The following BCL2L11 variants were observed in gnomAD, a reference collection of about 807,000 sequenced individuals.
BCL2L11 encodes BCL2 like 11, also known as bcl-2-like protein 11.
In BCL2L11, 15 loss-of-function variants were observed where a neutral mutation model predicts 20.6. The ratio of observed to expected loss-of-function variants is 0.73; its 90% CI spans 0.49 to 1.12. BCL2L11 has a LOEUF of 1.12. BCL2L11 is among the 50% of genes most tolerant of loss of function. The pLI, the probability that BCL2L11 is intolerant of heterozygous loss-of-function variation, is 0.00. For missense variants in BCL2L11, 292 were observed against 260.9 expected (o/e 1.12, Z -0.82); for synonymous variants, 108 against 92.8 (o/e 1.16, Z -0.94).
At chr2:111,146,365 T>C (rs2076513172) in intron 2 of BCL2L11, 2 of 533,930 alleles carry the variant, frequency 3.7e-6, no homozygotes, top group Non-Finnish European at 4.8e-6. Context: ...ACTTTTCTTA[T>C]AAACTAGAAA....
chr2:111,125,133 G>A (rs1559014280), intron 2 of BCL2L11, among the ~76,000 whole-genome samples: 1 of 152,206 alleles, frequency 6.6e-6, no homozygotes, highest in African/African-American at 2.4e-5. Context: ...TGGTCTCAGG[G>A]TGGGTTTTCC....
chr2:111,125,737 A>T (rs756897963), intron 2 of BCL2L11, among the ~76,000 whole-genome samples: 16 of 152,152 alleles, frequency 1.1e-4, no homozygotes, highest in Non-Finnish European at 2.4e-4. Flanking sequence ...GCAGCTACAC[A>T]TGCTGGCTGC....
At chr2:111,131,249 G>A (rs1239273394) in intron 2 of BCL2L11, 2 of 137,094 alleles carry the variant, frequency 1.5e-5, no homozygotes, top group Non-Finnish European at 3.2e-5. Context: ...GATGGGGGGC[G>A]GGCGGGCATT....
chr2:111,127,101 A>T (rs1346907980), intron 2 of BCL2L11, among the ~76,000 whole-genome samples: 2 of 152,270 alleles, frequency 1.3e-5, no homozygotes, highest in Admixed American at 6.5e-5. Context: ...ACTTTTCCTC[A>T]ATTTTAGTCT....
intron 2 of BCL2L11, among the ~76,000 whole-genome samples, chr2:111,137,451 C>G (rs1391205636): frequency 6.6e-6 from 1 of 152,188 alleles, no homozygotes; most frequent in Non-Finnish European, 1.5e-5. Flanking sequence ...CCTGCTCGGT[C>G]AATGGCTGAG....
Position 111,148,231 on chromosome 2 carries a change from C to T in BCL2L11, c.395-1813C>T, listed in dbSNP as rs566092488. Among the ~76,000 whole-genome samples the T allele has an allele frequency of 2.2e-4, 33 of 152,288 alleles. No homozygotes were observed. The South Asian group carries it at 6.4e-3, about 30-fold the overall frequency. On this transcript the variant is annotated intron_variant, in intron 2 of 3. Transcript: ENST00000393256. ...GGGTGATGGTGTCTTGCTGGCTGGA[C>T]GTTCACTTGTGCATATGGGTAGGCA...
intron 3 of BCL2L11, chr2:111,162,715 G>A (rs1331199043): frequency 6.6e-6 from 1 of 152,170 alleles, no homozygotes; most frequent in Non-Finnish European, 1.5e-5. Context: ...AATGACACCA[G>A]GTTGGCACAA....
intron 1 of BCL2L11, chr2:111,122,957 G>T: frequency 1.0e-6 from 1 of 985,562 alleles, no homozygotes; most frequent in African/African-American, 1.7e-5. Flanking sequence ...CTGAGGGGAG[G>T]GTCTGTGGGA....
chr2:111,150,168 C>G, intron 3 of BCL2L11, 21 bp downstream of exon 3: 3 of 1,610,502 alleles, frequency 1.9e-6, no homozygotes, highest in Non-Finnish European at 1.7e-6. Flanking sequence ...TTTCTTTACC[C>G]GCTTTTCTGC....
intron 3 of BCL2L11, among the ~76,000 whole-genome samples, chr2:111,162,280 G>A (rs2078656158): frequency 1.3e-5 from 2 of 152,202 alleles, no homozygotes; most frequent in African/African-American, 2.4e-5. Flanking sequence ...GTGCCATGTT[G>A]TCATGCCCGC....
At position 111,124,086 on chromosome 2, in the gene BCL2L11, C is replaced by T. The variant is rs2150144153; in HGVS notation, c.341C>T (p.Thr114Ile). Reference sequence around the variant, plus strand: ...GCACCCATGAGTTGTGACAAATCAACACAAACCCCAAGTCCTCCTTGCCAG... The same window carrying T: ...GCACCCATGAGTTGTGACAAATCAATACAAACCCCAAGTCCTCCTTGCCAG... ...SPAPMSCDKSTQTPSPPCQAF... is the reference protein window; with the variant it reads ...SPAPMSCDKSIQTPSPPCQAF... Residue 114 changes from threonine (T) to isoleucine (I), a missense_variant, in exon 2 of 4, where the codon ACA becomes ATA. Physicochemically the swap from Thr to Ile is moderately conservative, Grantham distance 89. Coordinates refer to ENST00000393256, the MANE Select transcript of BCL2L11 (RefSeq NM_138621.5). The T allele has an allele frequency of 1.2e-6, 2 of 1,613,956 alleles. No individual in the cohort carries two copies. Among genetic ancestry groups the T allele is most frequent in the Non-Finnish European group, 1.7e-6 (2 of 1,179,966 alleles).
At chr2:111,153,737 C>CTG in intron 3 of BCL2L11, 1 of 1,551,724 alleles carries the variant, frequency 6.4e-7, no homozygotes, top group South Asian at 1.2e-5. Context: ...TTTATTGCCA[C>CTG]GAGCCTTGCA....
chr2:111,160,563 A>G (rs2078431722), intron 3 of BCL2L11, among the ~76,000 whole-genome samples: 1 of 152,154 alleles, frequency 6.6e-6, no homozygotes, highest in Non-Finnish European at 1.5e-5. Context: ...AAAGGCAGTT[A>G]CCTCCAGGTA....
Position 111,167,350 on chromosome 2 carries a change from C to T in BCL2L11, c.*3119C>T, listed in dbSNP as rs754476384. On this transcript the variant is annotated 3_prime_UTR_variant, in exon 4 of 4. Coordinates refer to ENST00000393256, the MANE Select transcript of BCL2L11 (RefSeq NM_138621.5). Reference sequence around the variant, plus strand: ...GTTTGATGCCAGTGAGAAACTCAGTCTGGCAGGCTACAAAATTCTACTCCA... The same window carrying T: ...GTTTGATGCCAGTGAGAAACTCAGTTTGGCAGGCTACAAAATTCTACTCCA... 5 of 152,226 alleles carry T rather than the reference C, an allele frequency of 3.3e-5. No homozygotes were observed. Among genetic ancestry groups the T allele is most frequent in the Non-Finnish European group, 7.3e-5 (5 of 68,040 alleles). The allele number at this position is 152,226 out of a possible 1,614,324, so 9.4% of individuals were successfully genotyped here. A position where few individuals can be genotyped will look rare whatever the true frequency, so the allele number is the denominator to read the frequency against.
chr2:111,167,172 A>G lies in BCL2L11; in HGVS notation c.*2941A>G, dbSNP rs561389979. ...CTGTCTCCCACTCCCCTGCCGTCCC[A>G]TGAAGTTAACTCCTGAGAGTTGTCG... On this transcript the variant is annotated 3_prime_UTR_variant, in exon 4 of 4. Coordinates refer to ENST00000393256, the MANE Select transcript of BCL2L11 (RefSeq NM_138621.5). The G allele has an allele frequency of 1.3e-4, 20 of 152,636 alleles. No homozygotes were observed. The highest frequency in any genetic ancestry group is 4.6e-4 in the African/African-American group (19 of 41,538). The allele number at this position is 152,636 out of a possible 1,614,324, so 9.5% of individuals were successfully genotyped here. A position where few individuals can be genotyped will look rare whatever the true frequency, so the allele number is the denominator to read the frequency against.
At position 111,168,001 on chromosome 2, in the gene BCL2L11, C is replaced by A. The variant is rs551780882; in HGVS notation, c.*3770C>A. 6.5e-6 allele frequency: 1 copy of A among 152,826 alleles called. No homozygotes were observed. The highest frequency in any genetic ancestry group is 2.4e-5 in the African/African-American group (1 of 41,584). 9.5% of individuals were successfully genotyped at this position (152,826 alleles called of 1,614,324 possible). A position where few individuals can be genotyped will look rare whatever the true frequency, so the allele number is the denominator to read the frequency against. ...AGCCTGGTGCCTGTGTGTGTCCACT[C>A]ACGTACACGTGGGGTGGGGGAAACG... is the stretch of plus-strand genomic sequence containing the variant. On this transcript the variant is annotated 3_prime_UTR_variant, in exon 4 of 4. Transcript: ENST00000393256.
chr2:111,153,966 G>A, intron 3 of BCL2L11: 1 of 1,432,078 alleles, frequency 7.0e-7, no homozygotes, highest in Non-Finnish European at 9.2e-7. Context: ...ATTCCCAGGT[G>A]AACCTGCCGG....
At chr2:111,139,911 G>T in intron 2 of BCL2L11, among the ~76,000 whole-genome samples, 1 of 152,230 alleles carries the variant, frequency 6.6e-6, no homozygotes, top group African/African-American at 2.4e-5. Flanking sequence ...CTGCTGGCAC[G>T]CAGCTCTCCT....
intron 2 of BCL2L11, among the ~76,000 whole-genome samples, chr2:111,142,740 T>C (rs1222671021): frequency 6.6e-6 from 1 of 152,236 alleles, no homozygotes; most frequent in East Asian, 1.9e-4. Context: ...ATCACCAGTT[T>C]CCTGCTACTG....
Sources: gnomAD v4.1 joint callset for allele counts (sites outside exome capture counted in the v4.1 genomes callset) on GRCh38, gnomAD v4.1.1 for gene constraint, MANE v1.5 for transcripts, NCBI Gene and HGNC (gene_info 2026-07-23, HGNC 2026-07-21) for gene names.